Variants in MED13L observed in about 807,000 individuals in gnomAD.
MED13L encodes mediator of RNA polymerase II transcription subunit 13-like.
Under a neutral mutation model 220.9 loss-of-function variants are expected in MED13L, and 7 were observed. The observed-to-expected ratio is 0.03, with a 90% confidence interval of 0.02 to 0.06. The LOEUF (loss-of-function observed/expected upper bound fraction) is 0.06. Among genes scored for constraint, MED13L ranks in the 10% least tolerant of loss-of-function variants. The pLI is 1.00. For missense variants in MED13L, 1,965 were observed against 2,760.5 expected (o/e 0.71, Z 6.46); for synonymous variants, 1,011 against 1,015.2 (o/e 1.00, Z 0.08).
At chr12:116,103,574 G>A (rs565140887) in intron 3 of MED13L, among the ~76,000 whole-genome samples, 16 of 152,254 alleles carry the variant, frequency 1.1e-4, no homozygotes, top group African/African-American at 3.9e-4. Context: ...GGCACAAGCC[G>A]CTGCTCCCAG....
intron 2 of MED13L, among the ~76,000 whole-genome samples, chr12:116,112,420 G>A (rs1172819289): frequency 6.6e-6 from 1 of 152,184 alleles, no homozygotes; most frequent in Non-Finnish European, 1.5e-5. Context: ...CACAAGGCAT[G>A]TTTAATGCTT....
intron 1 of MED13L, among the ~76,000 whole-genome samples, chr12:116,262,570 T>C (rs1381956899): frequency 6.6e-6 from 1 of 152,216 alleles, no homozygotes; most frequent in East Asian, 1.9e-4. Context: ...GAGTCCCACT[T>C]GTTTTTCCAT....
intron 2 of MED13L, among the ~76,000 whole-genome samples, chr12:116,159,533 T>C (rs1878700557): frequency 1.3e-5 from 2 of 152,184 alleles, no homozygotes; most frequent in Admixed American, 1.3e-4. Context: ...AATTCACTTT[T>C]TATCACTCTA....
chr12:116,110,768 C>G (rs950410432), intron 3 of MED13L, among the ~76,000 whole-genome samples: 1 of 152,108 alleles, frequency 6.6e-6, no homozygotes, highest in African/African-American at 2.4e-5. Context: ...GAAAACACAA[C>G]ATCACTTCTA....
At chr12:116,255,560 G>A (rs997846830) in intron 1 of MED13L, among the ~76,000 whole-genome samples, 29 of 152,158 alleles carry the variant, frequency 1.9e-4, no homozygotes, top group Non-Finnish European at 3.7e-4. Context: ...ATTCAAAGAA[G>A]ACAGTGAGAA....
intron 2 of MED13L, among the ~76,000 whole-genome samples, chr12:116,141,597 C>T (rs1189178953): frequency 6.6e-6 from 1 of 152,076 alleles, no homozygotes; most frequent in East Asian, 1.9e-4. Context: ...ATCCAGGTAG[C>T]CAGCTCTACC....
At chr12:116,226,633 C>T (rs971039825) in intron 2 of MED13L, among the ~76,000 whole-genome samples, 3 of 152,144 alleles carry the variant, frequency 2.0e-5, no homozygotes, top group Non-Finnish European at 2.9e-5. Context: ...CTTTGGGAGG[C>T]CCAGGAGGGC....
chr12:115,962,584 T>C (rs1875841223), intron 30 of MED13L: 1 of 152,190 alleles, frequency 6.6e-6, no homozygotes, highest in African/African-American at 2.4e-5. Context: ...TAATATATAG[T>C]TTCCTATCAT....
At chr12:116,011,441 AAATACGTT>A (rs1167896032) in intron 9 of MED13L, among the ~76,000 whole-genome samples, 1 of 152,234 alleles carries the variant, frequency 6.6e-6, no homozygotes, top group Non-Finnish European at 1.5e-5. Context: ...AAAAGTCAGT[AAATACGTT>A]ATCTTTTTAA....
chr12:116,190,187 G>C (rs1162222424), intron 2 of MED13L, among the ~76,000 whole-genome samples: 1 of 152,034 alleles, frequency 6.6e-6, no homozygotes, highest in Non-Finnish European at 1.5e-5. Flanking sequence ...TTAGCTATAG[G>C]ATTTTTGTAG....
At chr12:116,011,943 G>A (rs1302828060) in intron 9 of MED13L, among the ~76,000 whole-genome samples, 1 of 152,212 alleles carries the variant, frequency 6.6e-6, no homozygotes, top group Non-Finnish European at 1.5e-5. Context: ...CTGAAGCCAA[G>A]TCACTCATGC....
chr12:116,105,250 A>T (rs1170528342), intron 3 of MED13L, among the ~76,000 whole-genome samples: 3 of 152,202 alleles, frequency 2.0e-5, no homozygotes, highest in Non-Finnish European at 4.4e-5. Flanking sequence ...ATAAATACCT[A>T]ACAAAATTTC....
intron 4 of MED13L, among the ~76,000 whole-genome samples, chr12:116,025,853 G>C (rs1880356526): frequency 6.6e-6 from 1 of 152,112 alleles, no homozygotes; most frequent in African/African-American, 2.4e-5. Context: ...AGGTAAAACA[G>C]ACAATGTTCT....
intron 1 of MED13L, among the ~76,000 whole-genome samples, chr12:116,240,158 G>T (rs994789683): frequency 6.6e-5 from 10 of 151,778 alleles, no homozygotes; most frequent in African/African-American, 2.4e-4. Context: ...TGTCACCCAG[G>T]TTGGAGTGCA....
intron 2 of MED13L, among the ~76,000 whole-genome samples, chr12:116,158,071 G>C (rs917661685): frequency 6.6e-6 from 1 of 152,064 alleles, no homozygotes; most frequent in Admixed American, 6.6e-5. Context: ...AGTAGATGAG[G>C]AGCTTAGGGA....
chr12:116,082,539 T>TA (rs2137743513), intron 4 of MED13L: 1 of 152,318 alleles, frequency 6.6e-6, no homozygotes, highest in African/African-American at 2.4e-5. Flanking sequence ...CTATTAAAGA[T>TA]ACTTGGCTCA....
chr12:115,981,035 T>C (rs1877293237), intron 22 of MED13L, 97 bp from the exon 23 acceptor site: 5 of 990,906 alleles, frequency 5.0e-6, no homozygotes, highest in South Asian at 1.4e-5. Flanking sequence ...ACGGCATGAA[T>C]TCCTTACCAC....
At chr12:116,150,913 G>C (rs1877987126) in intron 2 of MED13L, among the ~76,000 whole-genome samples, 1 of 152,048 alleles carries the variant, frequency 6.6e-6, no homozygotes, top group African/African-American at 2.4e-5. Context: ...ATCGCTACCA[G>C]ATGTTCTGAG....
intron 2 of MED13L, among the ~76,000 whole-genome samples, chr12:116,236,477 T>C: frequency 6.6e-6 from 1 of 151,706 alleles, no homozygotes; most frequent in South Asian, 2.1e-4. Flanking sequence ...GCCTCGAACA[T>C]ACATTACAGT....
Sources: allele counts gnomAD v4.1 joint callset (sites outside exome capture counted in the v4.1 genomes callset), GRCh38; gene constraint gnomAD v4.1.1; transcripts MANE v1.5; gene names NCBI Gene and HGNC (gene_info 2026-07-23, HGNC 2026-07-21).